The following BCL9L variants were observed in gnomAD, a reference collection of about 807,000 sequenced individuals.
BCL9L encodes the protein B-cell CLL/lymphoma 9-like protein.
A neutral mutation model predicts 99.4 loss-of-function variants in BCL9L; 19 were observed. That is an observed-to-expected ratio of 0.19 (90% CI 0.13 to 0.28). The LOEUF (loss-of-function observed/expected upper bound fraction) is 0.28, where lower values mean the gene tolerates loss of function less well. BCL9L is among the 10% of genes least tolerant of loss of function. The pLI is 1.00. For missense variants in BCL9L, 2,023 were observed against 2,101.6 expected, an observed-to-expected ratio of 0.96 and a Z score of 0.73; for synonymous variants, 900 against 854.8, an observed-to-expected ratio of 1.05 and a Z score of -0.92.
At position 118,900,903 on chromosome 11, in the gene BCL9L, G is replaced by A. The variant is rs139195814; in HGVS notation, c.2840C>T (p.Ser947Leu). The part of the protein sequence containing the change: ...LSQVHSPLVT[S>L]PSANLKSPQT... ...GGGTGACTTGAGGTTGGCAGAGGGCGAGGTGACCAGGGGTGAGTGCACCTG... is the reference window on the plus strand; with the variant it reads ...GGGTGACTTGAGGTTGGCAGAGGGCAAGGTGACCAGGGGTGAGTGCACCTG... The change falls in exon 8 of 10, where the codon TCG becomes TTG. Residue 947 changes from serine (S) to leucine (L), a missense_variant. By Grantham distance (145) the Ser-to-Leu change is moderately radical (BLOSUM62 -2). Transcript: ENST00000683865. This position sits in a 1 kb window ranked among gnomAD's most constrained non-coding sequence, Gnocchi z 5.3. 3.8e-6 allele frequency: 6 copies of A among 1,591,160 alleles called. No individual in the cohort carries two copies. The highest frequency in any genetic ancestry group is 2.2e-5 in the East Asian group (1 of 44,584).
chr11:118,916,186 A>G (rs77305575), intron 2 of BCL9L, among the ~76,000 whole-genome samples: 3,741 of 152,272 alleles, frequency 0.025, 161 homozygotes, highest in African/African-American at 0.086. Context: ...TGTCCTCTCT[A>G]GATCCAGAGG....
rs1378452995 is a variant in BCL9L at position 118,898,798 on chromosome 11, G to T, written c.4117C>A (p.Arg1373=). 2.5e-6 allele frequency: 4 copies of T among 1,613,814 alleles called. No homozygotes were observed. In the Admixed American group the frequency reaches 6.7e-5, roughly 27 times the overall value. The change falls in exon 10 of 10, where the codon CGG becomes AGG. Residue 1373 remains arginine, a synonymous_variant. Coordinates refer to ENST00000683865, the MANE Select transcript of BCL9L (RefSeq NM_001378213.1). ...TGCTGGCCTGGGAGGTTGGGAGGCC[G>T]AGAGGGAGTCTGCTCCGCCATCATG... The part of the protein sequence containing the change: ...QNMMAEQTPS[R]PPNLPGQQGV...
intron 2 of BCL9L, 114 bp from the exon 3 acceptor site, chr11:118,910,129 G>A: frequency 1.4e-6 from 1 of 713,656 alleles, no homozygotes. Flanking sequence ...ATAGGGTGGG[G>A]TGGCACTGGA....
Position 118,908,937 on chromosome 11 carries a change from C to T in BCL9L, c.27-282G>A, listed in dbSNP as rs191187188. On this transcript the variant is annotated intron_variant, in intron 3 of 9. Coordinates refer to ENST00000683865, the MANE Select transcript of BCL9L (RefSeq NM_001378213.1). ...GGGCCTAGAGTTGGCAGAATTCACC[C>T]ACCTCAGCCCCAAAACACCCATCAG... Among the ~76,000 whole-genome samples, 71 of 152,282 alleles carry T rather than the reference C, an allele frequency of 4.7e-4. 1 individual carries two copies. In the East Asian group the frequency reaches 0.012, roughly 26 times the overall value.
intron 2 of BCL9L, among the ~76,000 whole-genome samples, chr11:118,917,032 G>C (rs771052888): frequency 1.3e-5 from 2 of 152,200 alleles, no homozygotes; most frequent in African/African-American, 4.8e-5. Flanking sequence ...TGAAGATAGC[G>C]AGGGAGACGT....
chr11:118,924,774 C>G (rs1168528091), intron 1 of BCL9L, among the ~76,000 whole-genome samples: 1 of 152,242 alleles, frequency 6.6e-6, no homozygotes. Context: ...CCGCTACTCA[C>G]AGGCAGTGCC....
At position 118,908,288 on chromosome 11, in the gene BCL9L, G is replaced by A; in HGVS notation, c.394C>T (p.Leu132=). 6.4e-7 allele frequency: 1 copy of A among 1,556,820 alleles called. No homozygotes were observed. The highest frequency in any genetic ancestry group is 8.7e-7 in the Non-Finnish European group (1 of 1,149,940). ...GGGGTACCTTTGGCCTCTGAATCCA[G>A]GGATGGGGTCCCAGCCTCTCGCTGC... ...GEQREAGTPS[L]DSEAKEVAPR... Residue 132 remains leucine, a synonymous_variant, in exon 4 of 10, where the codon CTG becomes TTG. Coordinates refer to ENST00000683865, the MANE Select transcript of BCL9L (RefSeq NM_001378213.1).
chr11:118,920,039 G>A (rs901519782), intron 1 of BCL9L, among the ~76,000 whole-genome samples: 4 of 152,114 alleles, frequency 2.6e-5, no homozygotes, highest in Non-Finnish European at 4.4e-5. Context: ...GGGTGGGGAC[G>A]TAAAAGGGAC....
At position 118,903,119 on chromosome 11, in the gene BCL9L, G is replaced by A; in HGVS notation, c.750-45C>T. The A allele has an allele frequency of 1.3e-6, 2 of 1,551,222 alleles. No homozygotes were observed. Among genetic ancestry groups the A allele is most frequent in the Non-Finnish European group, 1.7e-6 (2 of 1,151,702 alleles). ...CGACAGCTCAGAGAGGTGAGCAGGAGGGAGCCCCACCCTCACCCACCCCAC... is the reference window on the plus strand; with the variant it reads ...CGACAGCTCAGAGAGGTGAGCAGGAAGGAGCCCCACCCTCACCCACCCCAC... On this transcript the variant is annotated intron_variant, in intron 6 of 9. Coordinates refer to ENST00000683865, the MANE Select transcript of BCL9L (RefSeq NM_001378213.1). The surrounding 1 kb of genome is among the most constrained non-coding windows in gnomAD (Gnocchi z 5.6).
Position 118,899,417 on chromosome 11 carries a change from C to G in BCL9L, c.3498G>C (p.Leu1166=). 6.3e-7 allele frequency: 1 copy of G among 1,594,074 alleles called. No homozygotes were observed. The highest frequency in any genetic ancestry group is 8.5e-7 in the Non-Finnish European group (1 of 1,172,396). The part of the protein sequence containing the change: ...MGMNLPGQQP[L]SHEPPPAMLP... ...GCATGGCGGGCGGGGGCTCATGGGACAGGGGCTGCTGGCCTGGCAGGTTCA... is the reference window on the plus strand; with the variant it reads ...GCATGGCGGGCGGGGGCTCATGGGAGAGGGGCTGCTGGCCTGGCAGGTTCA... Residue 1166 remains leucine, a synonymous_variant, in exon 10 of 10, where the codon CTG becomes CTC. Coordinates refer to ENST00000683865, the MANE Select transcript of BCL9L (RefSeq NM_001378213.1).
chr11:118,898,723 A>C lies in BCL9L; in HGVS notation c.4192T>G (p.Ser1398Ala). ...GGCACGCCTGTCCTGCCCAGCAAGG[A>C]CATCTGTCCAGGGTGGCACATGGAC... The part of the protein sequence containing the change: ...NMSMCHPGQM[S>A]LLGRTGVPPQ... Residue 1398 changes from serine (S) to alanine (A), a missense_variant, in exon 10 of 10, where the codon TCC becomes GCC. By Grantham distance (99) the Ser-to-Ala change is moderately conservative. Coordinates refer to ENST00000683865, the MANE Select transcript of BCL9L (RefSeq NM_001378213.1). 6.2e-7 allele frequency: 1 copy of C among 1,613,120 alleles called. No individual in the cohort carries two copies. The highest frequency in any genetic ancestry group is 8.5e-7 in the Non-Finnish European group (1 of 1,179,760).
In BCL9L at chr11:118,903,592, A is replaced by C. The variant is rs1940385253; in HGVS notation, c.533-140T>G. ...GATGTCAGTATCTGGTGTTCTCACC[A>C]GGCTGGTTTCCACGATGGCAAGAGT... On this transcript the variant is annotated intron_variant, in intron 5 of 9. Coordinates refer to ENST00000683865, the MANE Select transcript of BCL9L (RefSeq NM_001378213.1). The surrounding 1 kb of genome is among the most constrained non-coding windows in gnomAD (Gnocchi z 5.6). 2 of 988,810 alleles carry C rather than the reference A, an allele frequency of 2.0e-6. No individual in the cohort carries two copies. Among genetic ancestry groups the C allele is most frequent in the East Asian group, 2.6e-5 (1 of 38,384 alleles). The allele number at this position is 988,810 out of a possible 1,614,324, so 61.3% of individuals were successfully genotyped here. A position where few individuals can be genotyped will look rare whatever the true frequency, so the allele number is the denominator to read the frequency against.
rs1046202565 is a variant in BCL9L, at chr11:118,898,211, A to T, written c.*204T>A. 3 of 726,508 alleles carry T rather than the reference A, an allele frequency of 4.1e-6. No individual in the cohort carries two copies. The highest frequency in any genetic ancestry group is 5.5e-5 in the East Asian group (2 of 36,128). The allele number at this position is 726,508 out of a possible 1,614,324, so 45.0% of individuals were successfully genotyped here. On this transcript the variant is annotated 3_prime_UTR_variant, in exon 10 of 10. Coordinates refer to ENST00000683865, the MANE Select transcript of BCL9L (RefSeq NM_001378213.1). ...GGTGGCCGAAATGGAACCAACCCCA[A>T]TGCAAAATCCCCCACCCCACACTGC... is the stretch of plus-strand genomic sequence containing the variant.
chr11:118,923,389 C>T (rs1941198984), intron 1 of BCL9L, among the ~76,000 whole-genome samples: 1 of 152,170 alleles, frequency 6.6e-6, no homozygotes, highest in Non-Finnish European at 1.5e-5. Context: ...TACCAGGACT[C>T]CAAAGGCAGG....
intron 2 of BCL9L, among the ~76,000 whole-genome samples, chr11:118,913,659 A>C (rs1940877237): frequency 6.6e-6 from 1 of 152,138 alleles, no homozygotes. Context: ...AACAACCAAC[A>C]CAGGAAACCA....
At position 118,900,740 on chromosome 11, in the gene BCL9L, C is replaced by A; in HGVS notation, c.3003G>T (p.Ala1001=). ...AGGCAACCCAGCCTGGAGAAGGCAC[C>A]GCCATGGAAGGAGACTTGAGCCTGC... is the stretch of plus-strand genomic sequence containing the variant. ...SPSRLKSPSM[A]VPSPGWVASP... Residue 1001 remains alanine, a synonymous_variant, in exon 8 of 10, where the codon GCG becomes GCT. Coordinates refer to ENST00000683865, the MANE Select transcript of BCL9L (RefSeq NM_001378213.1). The surrounding 1 kb of genome is among the most constrained non-coding windows in gnomAD (Gnocchi z 5.3). The A allele has an allele frequency of 2.5e-6, 4 of 1,613,820 alleles. No homozygotes were observed. The African/African-American group carries it at 4.0e-5, about 16-fold the overall frequency.
chr11:118,901,931 T>A lies in BCL9L; in HGVS notation c.1812A>T (p.Pro604=), dbSNP rs1940263374. Residue 604 remains proline, a synonymous_variant, in exon 8 of 10, where the codon CCA becomes CCT. Coordinates refer to ENST00000683865, the MANE Select transcript of BCL9L (RefSeq NM_001378213.1). The surrounding 1 kb of genome is among the most constrained non-coding windows in gnomAD (Gnocchi z 6.6). The part of the protein sequence containing the change: ...GGPPFPGPRF[P]GNQIQRVPGF... ...CAGGTACCCGTTGTATCTGGTTGCC[T>A]GGGAAACGGGGCCCAGGAAAGGGAG... is the stretch of plus-strand genomic sequence containing the variant. The A allele has an allele frequency of 6.2e-7, 1 of 1,613,302 alleles. No individual in the cohort carries two copies. Among genetic ancestry groups the A allele is most frequent in the African/African-American group, 1.3e-5 (1 of 75,030 alleles).
rs138155257 is a variant in BCL9L, at chr11:118,902,891, G to C, written c.852C>G (p.Pro284=). The part of the protein sequence containing the change: ...AKLDQAPKVP[P]TPEPLPLSTP... ...TGCTCAGGGGTAGCGGTTCTGGGGT[G>C]GGGGGCACTTTAGGGGCCTGCAGAA... The change falls in exon 8 of 10, where the codon CCC becomes CCG. Residue 284 remains proline, a synonymous_variant. Transcript: ENST00000683865. The surrounding 1 kb of genome is among the most constrained non-coding windows in gnomAD (Gnocchi z 7.8). The C allele has an allele frequency of 4.3e-5, 67 of 1,567,200 alleles. No homozygotes were observed. In the South Asian group the frequency reaches 5.6e-4, roughly 13 times the overall value.
At chr11:118,911,300 A>C (rs754399726) in intron 2 of BCL9L, 2 of 454,560 alleles carry the variant, frequency 4.4e-6, no homozygotes, top group South Asian at 3.1e-5. Context: ...ACCGGTGCAC[A>C]CTCCTGATGC....
Sources: allele counts gnomAD v4.1 joint callset (sites outside exome capture counted in the v4.1 genomes callset), GRCh38; gene constraint gnomAD v4.1.1; non-coding constraint Gnocchi (gnomAD v3.1); transcripts MANE v1.5; gene names NCBI Gene and HGNC (gene_info 2026-07-23, HGNC 2026-07-21).